COL26A1: variants seen among roughly 807,000 people sequenced by gnomAD.
COL26A1 encodes the protein collagen alpha-1(XXVI) chain.
In COL26A1, 41 loss-of-function variants were observed where a neutral mutation model predicts 59.3. The observed-to-expected ratio is 0.69, with a 90% CI of 0.54 to 0.90. The LOEUF (loss-of-function observed/expected upper bound fraction) is 0.90. COL26A1 is among the 40% of genes least tolerant of loss of function. COL26A1 has a pLI of 0.00. For synonymous variants in COL26A1, 266 were observed against 256.0 expected (o/e 1.04, Z -0.37); for missense variants, 612 against 602.3 (o/e 1.02, Z -0.17).
intron 3 of COL26A1, among the ~76,000 whole-genome samples, chr7:101,475,807 T>TC (rs1195149951): frequency 0.069 from 2,785 of 40,516 alleles, 124 homozygotes; most frequent in African/African-American, 0.37. Context: ...CTTCCTTCCT[T>TC]CTTTCTTTCT....
chr7:101,550,978 C>G, intron 9 of COL26A1, 130 bp from the exon 10 acceptor site: 1 of 1,037,912 alleles, frequency 9.6e-7, no homozygotes, highest in African/African-American at 1.6e-5. Flanking sequence ...CCGTGCCGGC[C>G]GGGCCATCCT....
chr7:101,438,189 G>C (rs10226836), intron 2 of COL26A1, among the ~76,000 whole-genome samples: 136,021 of 151,030 alleles, frequency 0.9, 62,054 homozygotes, highest in African/African-American at 0.98. Flanking sequence ...TGGAGAAACC[G>C]CATATCTACT....
intron 1 of COL26A1, among the ~76,000 whole-genome samples, chr7:101,380,483 C>T (rs982014385): frequency 1.2e-4 from 19 of 152,056 alleles, no homozygotes; most frequent in African/African-American, 3.4e-4. Flanking sequence ...TTAATAGAGA[C>T]GAGGGTTTCA....
rs553741711 is a variant in COL26A1 at position 101,364,598 on chromosome 7, T to C, written c.158+1408T>C. Among the ~76,000 whole-genome samples, 266 of 150,650 alleles carry C rather than the reference T, an allele frequency of 1.8e-3. 8 individuals carry two copies. Among genetic ancestry groups the C allele is most frequent in the Admixed American group, 0.016 (242 of 15,072 alleles). On this transcript the variant is annotated intron_variant, in intron 1 of 12. Transcript: ENST00000313669. ...TTTTTTTTTTTTTTTTAATATAGGG[T>C]CTTGCTTGCTCCCCAGGCTGGAATG...
chr7:101,547,804 C>T (rs549782548), intron 8 of COL26A1, among the ~76,000 whole-genome samples: 4,876 of 143,898 alleles, frequency 0.034, 283 homozygotes, highest in African/African-American at 0.14. Flanking sequence ...TTTGTCCATT[C>T]ATTCATTCGT....
intron 10 of COL26A1, 55 bp from the exon 11 acceptor site, chr7:101,553,271 T>C: frequency 6.6e-7 from 1 of 1,512,780 alleles, no homozygotes; most frequent in Non-Finnish European, 9.2e-7. Flanking sequence ...CTGGAGAGGG[T>C]GGAGAGGTGC....
chr7:101,417,968 G>A (rs998937021), intron 1 of COL26A1, among the ~76,000 whole-genome samples: 5 of 151,786 alleles, frequency 3.3e-5, no homozygotes, highest in Non-Finnish European at 5.9e-5. Flanking sequence ...CAGGTGATCC[G>A]CCCACTTTGA....
intron 1 of COL26A1, among the ~76,000 whole-genome samples, chr7:101,382,478 A>G (rs1474979732): frequency 2.0e-5 from 3 of 152,138 alleles, no homozygotes; most frequent in Admixed American, 2.0e-4. Context: ...AAATTTCCCT[A>G]TATGCATGAT....
intron 3 of COL26A1, among the ~76,000 whole-genome samples, chr7:101,522,656 G>A (rs1270586694): frequency 2.0e-5 from 3 of 152,112 alleles, no homozygotes; most frequent in Non-Finnish European, 2.9e-5. Context: ...TCATGGGAAG[G>A]GAGGAGATAT....
At chr7:101,482,631 C>G (rs1794181691) in intron 3 of COL26A1, among the ~76,000 whole-genome samples, 1 of 152,196 alleles carries the variant, frequency 6.6e-6, no homozygotes, top group Non-Finnish European at 1.5e-5. Context: ...TCCTGTCTTA[C>G]TCCTGCTTCA....
At chr7:101,519,230 T>C (rs1795090857) in intron 3 of COL26A1, among the ~76,000 whole-genome samples, 1 of 152,102 alleles carries the variant, frequency 6.6e-6, no homozygotes. Context: ...TTTTGGGAGC[T>C]CTCCCGGATG....
intron 3 of COL26A1, among the ~76,000 whole-genome samples, chr7:101,490,477 G>T (rs1794433035): frequency 6.6e-6 from 1 of 151,886 alleles, no homozygotes; most frequent in Non-Finnish European, 1.5e-5. Flanking sequence ...CAAGGTGGGA[G>T]GATCACCTGA....
chr7:101,495,396 T>TGGGC (rs1301310426), intron 3 of COL26A1, among the ~76,000 whole-genome samples: 4 of 149,010 alleles, frequency 2.7e-5, no homozygotes, highest in Admixed American at 2.7e-4. Context: ...GGGCTACGTA[T>TGGGC]GGGCAGCCTG....
intron 3 of COL26A1, among the ~76,000 whole-genome samples, chr7:101,509,014 C>T (rs1336679303): frequency 6.6e-6 from 1 of 152,118 alleles, no homozygotes. Context: ...TTCTGCAAGC[C>T]TGGCACCAGC....
At chr7:101,497,713 G>T (rs907839813) in intron 3 of COL26A1, among the ~76,000 whole-genome samples, 1 of 152,080 alleles carries the variant, frequency 6.6e-6, no homozygotes. Flanking sequence ...AGGCGCAGTG[G>T]CTCACATCTG....
intron 3 of COL26A1, among the ~76,000 whole-genome samples, chr7:101,452,759 A>G (rs1793374314): frequency 6.6e-6 from 1 of 151,832 alleles, no homozygotes; most frequent in African/African-American, 2.4e-5. Flanking sequence ...ATATATTATT[A>G]TTATTATTTA....
intron 3 of COL26A1, among the ~76,000 whole-genome samples, chr7:101,531,497 G>A (rs1394568539): frequency 6.6e-6 from 1 of 152,200 alleles, no homozygotes; most frequent in East Asian, 1.9e-4. Context: ...TACTGACAAG[G>A]TTTTATGGAG....
chr7:101,397,197 C>T (rs1791875407), intron 1 of COL26A1, among the ~76,000 whole-genome samples: 1 of 152,126 alleles, frequency 6.6e-6, no homozygotes, highest in African/African-American at 2.4e-5. Flanking sequence ...TCACCTGTGT[C>T]ATGTTTCTGT....
chr7:101,516,044 A>T (rs2130597672), intron 3 of COL26A1, among the ~76,000 whole-genome samples: 1 of 152,298 alleles, frequency 6.6e-6, no homozygotes, highest in African/African-American at 2.4e-5. Flanking sequence ...TTTGGTGTAA[A>T]TAACTGAGGG....
Sources: gnomAD v4.1 joint callset for allele counts (sites outside exome capture counted in the v4.1 genomes callset) on GRCh38, gnomAD v4.1.1 for gene constraint, MANE v1.5 for transcripts, NCBI Gene and HGNC (gene_info 2026-07-23, HGNC 2026-07-21) for gene names.